The following ZNF724 variants were observed in gnomAD, a reference collection of about 807,000 sequenced individuals.
ZNF724 encodes the protein zinc finger protein 724, also known as zinc finger protein 724 pseudogene.
Under a neutral mutation model 29.3 loss-of-function variants are expected in ZNF724, and 14 were observed. That is an observed-to-expected ratio of 0.48 (90% CI 0.32 to 0.75). The LOEUF is 0.75. ZNF724 is among the 30% of genes least tolerant of loss of function. The pLI, the probability that ZNF724 is intolerant of heterozygous loss-of-function variation, is 0.04. For missense variants in ZNF724, 557 were observed against 571.2 expected (o/e 0.98, Z 0.25); for synonymous variants, 180 against 193.6 (o/e 0.93, Z 0.58).
chr19:23,242,098 CA>C (rs1467600504), intron 1 of ZNF724, among the ~76,000 whole-genome samples: 1 of 151,976 alleles, frequency 6.6e-6, no homozygotes, highest in East Asian at 1.9e-4. Flanking sequence ...AGCCAAAAGC[CA>C]AATCAAAAAC....
At chr19:23,250,085 T>C (rs971906405) in intron 1 of ZNF724, among the ~76,000 whole-genome samples, 155 bp downstream of exon 1, 1 of 152,158 alleles carries the variant, frequency 6.6e-6, no homozygotes, top group Non-Finnish European at 1.5e-5. Flanking sequence ...CGCCATCTTA[T>C]GGCTGAAGGG....
Position 23,249,777 on chromosome 19 carries a change from G to A in ZNF724, c.3+463C>T, listed in dbSNP as rs190290396. Reference sequence around the variant, plus strand: ...TCGAACTCCTGGCCTCGGGTGATCCGCCCGCCTCGGCCTCTCGAAGTGCTG... The same window carrying A: ...TCGAACTCCTGGCCTCGGGTGATCCACCCGCCTCGGCCTCTCGAAGTGCTG... On this transcript the variant is annotated intron_variant, in intron 1 of 3. Transcript: ENST00000418100. Among the ~76,000 whole-genome samples, 29 of 152,108 alleles carry A rather than the reference G, an allele frequency of 1.9e-4. No homozygotes were observed. The East Asian group carries it at 5.4e-3, about 29-fold the overall frequency.
At chr19:23,244,264 T>C (rs1599649502) in intron 1 of ZNF724, among the ~76,000 whole-genome samples, 1 of 152,210 alleles carries the variant, frequency 6.6e-6, no homozygotes, top group South Asian at 2.1e-4. Flanking sequence ...AACAGGAATA[T>C]GCCGGGAGAC....
At chr19:23,224,990 A>G in intron 3 of ZNF724, among the ~76,000 whole-genome samples, 1 of 151,960 alleles carries the variant, frequency 6.6e-6, no homozygotes, top group East Asian at 1.9e-4. Flanking sequence ...CAACAAAAAA[A>G]AAACCCCACC....
chr19:23,248,581 AT>A (rs34343272), intron 1 of ZNF724, among the ~76,000 whole-genome samples: 2,422 of 144,476 alleles, frequency 0.017, 44 homozygotes, highest in African/African-American at 0.05. Flanking sequence ...ACTCAAATGC[AT>A]TTTTTTTTTT....
intron 3 of ZNF724, among the ~76,000 whole-genome samples, chr19:23,227,561 A>C (rs1213713063): frequency 1.1e-4 from 12 of 109,268 alleles, no homozygotes; most frequent in Middle Eastern, 4.9e-3. Flanking sequence ...ATCTCAAAAA[A>C]AAAAAAAAAC....
chr19:23,235,081 T>C (rs1972002536), intron 1 of ZNF724, among the ~76,000 whole-genome samples: 1 of 152,006 alleles, frequency 6.6e-6, no homozygotes. Context: ...TGAATAAGTC[T>C]GCACTTCGAA....
intron 1 of ZNF724, among the ~76,000 whole-genome samples, chr19:23,237,746 T>C (rs1186484445): frequency 6.8e-6 from 1 of 147,042 alleles, no homozygotes. Context: ...AAATACTGTA[T>C]AATTCACACA....
intron 3 of ZNF724, among the ~76,000 whole-genome samples, chr19:23,228,834 G>A (rs987908461): frequency 2.0e-5 from 3 of 151,180 alleles, no homozygotes; most frequent in South Asian, 2.1e-4. Flanking sequence ...ACGTTGCAGT[G>A]AGCTGCGATT....
chr19:23,233,082 CAGA>C (rs1165861239), intron 1 of ZNF724, among the ~76,000 whole-genome samples: 1 of 152,164 alleles, frequency 6.6e-6, no homozygotes, highest in Non-Finnish European at 1.5e-5. Flanking sequence ...CTAAAACACA[CAGA>C]AGGACACACA....
Position 23,223,695 on chromosome 19 carries a change from G to T in ZNF724, c.550C>A (p.His184Asn), listed in dbSNP as rs1021663687. 1.4e-6 allele frequency: 1 copy of T among 717,192 alleles called. No individual in the cohort carries two copies. Among genetic ancestry groups the T allele is most frequent in the African/African-American group, 1.7e-5 (1 of 57,234 alleles). 44.4% of individuals were successfully genotyped at this position (717,192 alleles called of 1,614,324 possible). A position where few individuals can be genotyped will look rare whatever the true frequency, so the allele number is the denominator to read the frequency against. The change falls in exon 4 of 4, where the codon CAC becomes AAC. Residue 184 changes from histidine (H) to asparagine (N), a missense_variant. By Grantham distance (68) the His-to-Asn change is moderately conservative. Around this residue, in one of 3 missense-constraint regions of ZNF724, gnomAD observed 362 missense variants for 295.5 expected, o/e 1.22. Transcript: ENST00000418100. The part of the protein sequence containing the change: ...ECGKSFCVLS[H>N]LTQHKRIHTT... ...TGAATTCTTTTATGTTGAGTTAGGTGTGAAAGAACACAAAATGACTTGCCA... is the reference window on the plus strand; with the variant it reads ...TGAATTCTTTTATGTTGAGTTAGGTTTGAAAGAACACAAAATGACTTGCCA...
At chr19:23,242,754 T>C (rs1295568055) in intron 1 of ZNF724, 2 of 107,298 alleles carry the variant, frequency 1.9e-5, no homozygotes, top group African/African-American at 6.8e-5. Context: ...ATAATAATAA[T>C]ACAGGCCGGG....
intron 1 of ZNF724, among the ~76,000 whole-genome samples, chr19:23,237,014 C>G (rs1414637362): frequency 2.0e-5 from 3 of 151,798 alleles, no homozygotes; most frequent in African/African-American, 4.8e-5. Flanking sequence ...CACCACCCCC[C>G]GCTAATTTTT....
intron 3 of ZNF724, among the ~76,000 whole-genome samples, chr19:23,226,306 C>T (rs1254761448): frequency 1.3e-5 from 2 of 152,152 alleles, no homozygotes; most frequent in African/African-American, 4.8e-5. Context: ...CCACCTCGGC[C>T]TCCCAAAGTG....
At chr19:23,225,368 G>A (rs965070589) in intron 3 of ZNF724, among the ~76,000 whole-genome samples, 2 of 152,100 alleles carry the variant, frequency 1.3e-5, no homozygotes, top group African/African-American at 4.8e-5. Context: ...ACTTTGGGAG[G>A]CAGAAGCGGG....
intron 1 of ZNF724, among the ~76,000 whole-genome samples, chr19:23,235,087 T>C (rs920063612): frequency 2.6e-5 from 4 of 151,976 alleles, no homozygotes; most frequent in Non-Finnish European, 4.4e-5. Context: ...AGTCTGCACT[T>C]CGAAAACAAC....
chr19:23,249,541 GGACC>G (rs1267348687), intron 1 of ZNF724, among the ~76,000 whole-genome samples: 124 of 152,100 alleles, frequency 8.2e-4, no homozygotes, highest in African/African-American at 3.0e-3. Context: ...TGGGATTACA[GGACC>G]GCGCCACCAC....
intron 3 of ZNF724, among the ~76,000 whole-genome samples, chr19:23,226,130 C>CA (rs1971822360): frequency 6.9e-6 from 1 of 145,882 alleles, no homozygotes; most frequent in African/African-American, 2.5e-5. Context: ...CGGCTCACTG[C>CA]AAGCTCTACC....
intron 1 of ZNF724, among the ~76,000 whole-genome samples, chr19:23,232,603 C>A (rs1046497954): frequency 6.6e-6 from 1 of 151,718 alleles, no homozygotes; most frequent in African/African-American, 2.4e-5. Flanking sequence ...AGAATGAGTT[C>A]TGTTGAGATG....
Sources: allele counts gnomAD v4.1 joint callset (sites outside exome capture counted in the v4.1 genomes callset), GRCh38; gene constraint gnomAD v4.1.1; regional missense constraint gnomAD v4.1.1; transcripts MANE v1.5; gene names NCBI Gene and HGNC (gene_info 2026-07-23, HGNC 2026-07-21).